SLC35F1: variants seen among roughly 807,000 people sequenced by gnomAD.
The protein encoded by SLC35F1 is solute carrier family 35 member F1, also known as chromosome 6 open reading frame 169.
A neutral mutation model predicts 48.7 loss-of-function variants in SLC35F1; 14 were observed. That is an observed-to-expected ratio of 0.29 (90% CI 0.19 to 0.45). The LOEUF (loss-of-function observed/expected upper bound fraction) is 0.45, where lower values mean the gene tolerates loss of function less well. SLC35F1 is among the 20% of genes least tolerant of loss of function. The pLI is 1.00. For synonymous variants in SLC35F1, 190 were observed against 202.2 expected (o/e 0.94, Z 0.51); for missense variants, 404 against 500.0 (o/e 0.81, Z 1.83).
intron 2 of SLC35F1, among the ~76,000 whole-genome samples, chr6:118,180,118 T>C (rs1029161407): frequency 2.0e-5 from 3 of 152,164 alleles, no homozygotes; most frequent in Non-Finnish European, 4.4e-5. Context: ...ATAGCCCATA[T>C]GTATGCATAT....
intron 1 of SLC35F1, among the ~76,000 whole-genome samples, chr6:117,996,123 C>T (rs758303301): frequency 3.9e-5 from 6 of 152,074 alleles, no homozygotes; most frequent in Non-Finnish European, 8.8e-5. Context: ...AATATGATTA[C>T]TTCTTCTGAA....
At chr6:118,262,916 A>C (rs1029253662) in intron 3 of SLC35F1, among the ~76,000 whole-genome samples, 4 of 152,122 alleles carry the variant, frequency 2.6e-5, no homozygotes, top group African/African-American at 9.7e-5. Flanking sequence ...ATGAGACCCC[A>C]TCTCTATTTA....
chr6:118,206,217 C>T (rs559663587), intron 2 of SLC35F1, among the ~76,000 whole-genome samples: 1 of 152,318 alleles, frequency 6.6e-6, no homozygotes, highest in East Asian at 1.9e-4. Context: ...AAAACAGCCA[C>T]TACACTTTGA....
chr6:118,200,546 G>A (rs1240157945), intron 2 of SLC35F1, among the ~76,000 whole-genome samples: 3 of 152,096 alleles, frequency 2.0e-5, no homozygotes, highest in African/African-American at 2.4e-5. Flanking sequence ...AATAAAAGCC[G>A]TAACTCAAGT....
rs62421493 is a variant in SLC35F1, at chr6:118,290,956, G to A, written c.1002+5618G>A. 7.9e-3 allele frequency among the ~76,000 whole-genome samples: 1,205 copies of A among 151,870 alleles called. 6 individuals carry two copies. The highest frequency in any genetic ancestry group is 0.012 in the Non-Finnish European group (836 of 67,962). On this transcript the variant is annotated intron_variant, in intron 7 of 7. Transcript: ENST00000360388. The stretch of plus-strand genomic sequence containing the variant: ...ACTACAGGCACTCGCCACCATGCCC[G>A]GCTAATTTTTGTATTTTTAGTAGAG...
At chr6:118,025,084 T>A (rs1177864229) in intron 1 of SLC35F1, among the ~76,000 whole-genome samples, 1 of 152,222 alleles carries the variant, frequency 6.6e-6, no homozygotes, top group Non-Finnish European at 1.5e-5. Context: ...TACACTATTA[T>A]TAACTAAACC....
chr6:118,261,301 G>A (rs1044358999), intron 3 of SLC35F1, among the ~76,000 whole-genome samples: 1 of 152,180 alleles, frequency 6.6e-6, no homozygotes, highest in African/African-American at 2.4e-5. Context: ...GCTGACTGAT[G>A]AAGGAATTCC....
chr6:118,093,233 A>G (rs557718143), intron 1 of SLC35F1, among the ~76,000 whole-genome samples: 44 of 152,158 alleles, frequency 2.9e-4, no homozygotes, highest in Admixed American at 2.7e-3. Flanking sequence ...GTAGAATGGC[A>G]TGAACCCAGC....
chr6:117,952,814 T>G (rs550342813), intron 1 of SLC35F1, among the ~76,000 whole-genome samples: 3 of 152,256 alleles, frequency 2.0e-5, no homozygotes, highest in Non-Finnish European at 4.4e-5. Flanking sequence ...TTTATAATTT[T>G]TAGCCTACCA....
At chr6:118,154,747 T>C in intron 2 of SLC35F1, 127 bp downstream of exon 2, 1 of 884,792 alleles carries the variant, frequency 1.1e-6, no homozygotes, top group Non-Finnish European at 1.6e-6. Context: ...ATCTTACTTT[T>C]CTATTTTGCA....
intron 2 of SLC35F1, among the ~76,000 whole-genome samples, chr6:118,215,104 C>T (rs918850534): frequency 6.6e-6 from 1 of 152,028 alleles, no homozygotes; most frequent in Non-Finnish European, 1.5e-5. Context: ...GTCACTGATA[C>T]CCTTGGCTCA....
At chr6:118,214,859 G>A (rs566045341) in intron 2 of SLC35F1, among the ~76,000 whole-genome samples, 3 of 152,274 alleles carry the variant, frequency 2.0e-5, no homozygotes, top group Admixed American at 6.5e-5. Context: ...CTTAAGGGGT[G>A]TAAATCAATG....
At chr6:118,240,345 T>A (rs1196786369) in intron 3 of SLC35F1, among the ~76,000 whole-genome samples, 1 of 152,142 alleles carries the variant, frequency 6.6e-6, no homozygotes, top group Non-Finnish European at 1.5e-5. Flanking sequence ...GTGGAGAGGA[T>A]AAAATGTGGG....
At chr6:118,028,706 G>T (rs1430710201) in intron 1 of SLC35F1, among the ~76,000 whole-genome samples, 1 of 152,046 alleles carries the variant, frequency 6.6e-6, no homozygotes, top group Non-Finnish European at 1.5e-5. Context: ...AGAAAATCAG[G>T]CATTAAAGAT....
At chr6:118,183,946 T>A (rs1478848237) in intron 2 of SLC35F1, among the ~76,000 whole-genome samples, 1 of 152,178 alleles carries the variant, frequency 6.6e-6, no homozygotes. Flanking sequence ...GTTTCCCTAG[T>A]CTTTGAATAT....
At chr6:118,162,961 C>CT (rs574750899) in intron 2 of SLC35F1, among the ~76,000 whole-genome samples, 3,446 of 143,318 alleles carry the variant, frequency 0.024, 103 homozygotes, top group African/African-American at 0.076. Flanking sequence ...TCTTTTCTTT[C>CT]TTTTTTTTTT....
At chr6:118,136,090 C>A (rs11962053) in intron 1 of SLC35F1, among the ~76,000 whole-genome samples, 1 of 152,046 alleles carries the variant, frequency 6.6e-6, no homozygotes, top group Non-Finnish European at 1.5e-5. Context: ...AGTCTCACAG[C>A]CCCTTCTGAT....
intron 1 of SLC35F1, among the ~76,000 whole-genome samples, chr6:118,036,167 C>A (rs1479738283): frequency 6.6e-6 from 1 of 152,012 alleles, no homozygotes; most frequent in Non-Finnish European, 1.5e-5. Context: ...AATACATGTA[C>A]ATAAATTTCC....
At chr6:117,923,660 T>TACATATGTACATATGTAC (rs1562238667) in intron 1 of SLC35F1, among the ~76,000 whole-genome samples, 1 of 33,882 alleles carries the variant, frequency 3.0e-5, no homozygotes, top group Non-Finnish European at 6.1e-5. Flanking sequence ...TGTACATATG[T>TACATATGTACATATGTAC]ATATATACAT....
Sources: gnomAD v4.1 joint callset for allele counts (sites outside exome capture counted in the v4.1 genomes callset) on GRCh38, gnomAD v4.1.1 for gene constraint, MANE v1.5 for transcripts, NCBI Gene and HGNC (gene_info 2026-07-23, HGNC 2026-07-21) for gene names.